The following SLC15A4 variants were observed in gnomAD, a reference collection of about 807,000 sequenced individuals.
SLC15A4 encodes hPHT1.
A neutral mutation model predicts 46.1 loss-of-function variants in SLC15A4; 26 were observed. That is an observed-to-expected ratio of 0.56 (90% confidence interval 0.41 to 0.78). The LOEUF (loss-of-function observed/expected upper bound fraction) is 0.78. SLC15A4 is among the 30% of genes least tolerant of loss of function. SLC15A4 has a pLI of 0.00. For synonymous variants in SLC15A4, 370 were observed against 333.4 expected (o/e 1.11, Z -1.20); for missense variants, 751 against 755.7 (o/e 0.99, Z 0.07).
Position 128,794,016 on chromosome 12 carries a change from T to A in SLC15A4, c.*180A>T, listed in dbSNP as rs1955415833. 1 of 516,348 alleles carries A rather than the reference T, an allele frequency of 1.9e-6. No individual in the cohort carries two copies. The highest frequency in any genetic ancestry group is 3.3e-6 in the Non-Finnish European group (1 of 305,476). 32.0% of individuals were successfully genotyped at this position (516,348 alleles called of 1,614,324 possible). A position where few individuals can be genotyped will look rare whatever the true frequency, so the allele number is the denominator to read the frequency against. ...GGGCCCAGCGTGCCAGGAGACACGC[T>A]GCAGTAAGGCACTTACCAAGCTCCT... On this transcript the variant is annotated 3_prime_UTR_variant, in exon 8 of 8. Coordinates refer to ENST00000266771, the MANE Select transcript of SLC15A4 (RefSeq NM_145648.4).
chr12:128,805,536 A>T (rs1201405881), intron 5 of SLC15A4, among the ~76,000 whole-genome samples: 3 of 151,956 alleles, frequency 2.0e-5, no homozygotes, highest in Non-Finnish European at 2.9e-5. Flanking sequence ...ATTATAGGAA[A>T]TTTTTTTTCT....
Position 128,814,940 on chromosome 12 carries a change from T to A in SLC15A4, c.677A>T (p.Tyr226Phe). ...GCCGACGCAGACAGTGGGGATCGCA[T>A]AACCAGTGACAAAGCTGACGTTCTG... ...IQQNVSFVTGYAIPTVCVGLA... is the reference protein window; with the variant it reads ...IQQNVSFVTGFAIPTVCVGLA... Residue 226 changes from tyrosine (Y) to phenylalanine (F), a missense_variant, in exon 2 of 8, where the codon TAT (tyrosine) becomes TTT (phenylalanine). Transcript: ENST00000266771. 2 of 1,614,202 alleles carry A rather than the reference T, an allele frequency of 1.2e-6. No homozygotes were observed. Among genetic ancestry groups the A allele is most frequent in the Non-Finnish European group, 1.7e-6 (2 of 1,180,040 alleles).
chr12:128,802,794 G>C (rs1381232762), intron 5 of SLC15A4, among the ~76,000 whole-genome samples: 1 of 152,170 alleles, frequency 6.6e-6, no homozygotes, highest in Non-Finnish European at 1.5e-5. Context: ...CAAATGATGA[G>C]ATCAAGAATT....
At chr12:128,817,519 A>C (rs541606347) in intron 1 of SLC15A4, among the ~76,000 whole-genome samples, 1 of 152,260 alleles carries the variant, frequency 6.6e-6, no homozygotes, top group East Asian at 1.9e-4. Flanking sequence ...ACCCACAGTG[A>C]CACTGCACAC....
chr12:128,797,638 CTG>C (rs1955461904), intron 7 of SLC15A4, among the ~76,000 whole-genome samples: 1 of 152,218 alleles, frequency 6.6e-6, no homozygotes, highest in African/African-American at 2.4e-5. Flanking sequence ...AAGCTATTTC[CTG>C]TGTCGGTCAC....
chr12:128,801,829 T>C (rs887712148), intron 5 of SLC15A4: 1 of 152,226 alleles, frequency 6.6e-6, no homozygotes, highest in African/African-American at 2.4e-5. Context: ...ATGTAAAATA[T>C]GTTTATTTTA....
At chr12:128,805,132 C>A (rs916427848) in intron 5 of SLC15A4, among the ~76,000 whole-genome samples, 3 of 152,118 alleles carry the variant, frequency 2.0e-5, no homozygotes, top group Non-Finnish European at 4.4e-5. Context: ...GGGGGAGATG[C>A]AATTATCCTT....
chr12:128,796,429 C>CA (rs57014966), intron 7 of SLC15A4, among the ~76,000 whole-genome samples: 383 of 33,924 alleles, frequency 0.011, 31 homozygotes, highest in African/African-American at 0.036. Flanking sequence ...AACTCCATCT[C>CA]AAAAAAAAAA....
chr12:128,805,538 T>A (rs1012921686), intron 5 of SLC15A4, among the ~76,000 whole-genome samples: 2 of 152,070 alleles, frequency 1.3e-5, no homozygotes, highest in Non-Finnish European at 2.9e-5. Flanking sequence ...TATAGGAAAT[T>A]TTTTTTCTTT....
chr12:128,796,862 G>A (rs1304287058), intron 7 of SLC15A4, among the ~76,000 whole-genome samples: 2 of 152,214 alleles, frequency 1.3e-5, no homozygotes, highest in East Asian at 1.9e-4. Flanking sequence ...GGCAGGCCAC[G>A]TGAACTGAAG....
intron 7 of SLC15A4, among the ~76,000 whole-genome samples, chr12:128,797,145 C>T (rs36003513): frequency 0.028 from 4,213 of 152,142 alleles, 81 homozygotes; most frequent in Middle Eastern, 0.071. Context: ...TGAGCGCACC[C>T]GCCCCCCAGG....
At chr12:128,810,789 C>A (rs1028956868) in intron 2 of SLC15A4, among the ~76,000 whole-genome samples, 2 of 152,156 alleles carry the variant, frequency 1.3e-5, no homozygotes, top group African/African-American at 4.8e-5. Flanking sequence ...GTCCCATGTG[C>A]TCCCTCATTA....
chr12:128,810,946 C>A (rs1262745076), intron 2 of SLC15A4, among the ~76,000 whole-genome samples: 1 of 152,224 alleles, frequency 6.6e-6, no homozygotes, highest in Non-Finnish European at 1.5e-5. Flanking sequence ...CCCTGCAGGA[C>A]ACCACTGTCC....
Position 128,823,543 on chromosome 12 carries a change from C to G in SLC15A4, c.401G>C (p.Gly134Ala). The G allele has an allele frequency of 6.9e-7, 1 of 1,453,188 alleles. No individual in the cohort carries two copies. Among genetic ancestry groups the G allele is most frequent in the Non-Finnish European group, 9.0e-7 (1 of 1,110,988 alleles). The allele number at this position is 1,453,188 out of a possible 1,614,324, so 90.0% of individuals were successfully genotyped here. ...CGTGCAGTTGAGCAGGCGCGCGGAA[C>G]CGCAGAGCGCGGCTCGCGTGGCGGG... Reference protein sequence around the residue: ...AAPATRAALCGSARLLNCTAP... With the variant: ...AAPATRAALCASARLLNCTAP... The change falls in exon 1 of 8, where the codon GGT becomes GCT. Residue 134 changes from glycine to alanine, a missense_variant. Coordinates refer to ENST00000266771, the MANE Select transcript of SLC15A4 (RefSeq NM_145648.4).
Position 128,809,729 on chromosome 12 carries a change from C to T in SLC15A4, c.1011+214G>A, listed in dbSNP as rs185689722. 166 of 544,476 alleles carry T rather than the reference C, an allele frequency of 3.0e-4. 1 individual carries two copies. The highest frequency in any genetic ancestry group is 2.9e-3 in the African/African-American group (152 of 52,008). The allele number at this position is 544,476 out of a possible 1,614,324, so 33.7% of individuals were successfully genotyped here. On this transcript the variant is annotated intron_variant, in intron 3 of 7. Transcript: ENST00000266771. ...CAAGAGGGGCCTGAAAAACCAGAAG[C>T]GTACCTGTTCTCAGCTTCTTTTTCA...
intron 1 of SLC15A4, among the ~76,000 whole-genome samples, chr12:128,821,575 C>G (rs772578218): frequency 6.6e-6 from 1 of 152,250 alleles, no homozygotes. Flanking sequence ...ACAAATGATC[C>G]CGTTTCCGAC....
In SLC15A4 at chr12:128,794,224, T is replaced by C. The variant is rs369063412; in HGVS notation, c.1706A>G (p.Asn569Ser). Residue 569 changes from asparagine (N) to serine (S), a missense_variant, in exon 8 of 8, where the codon AAT (asparagine) becomes AGT (serine). Transcript: ENST00000266771. ...HHRDHQRSRA[N>S]GVPTSRRA The stretch of plus-strand genomic sequence containing the variant: ...GGCCCTCCTGCTGGTGGGCACGCCA[T>C]TGGCTCTTGATCGCTGATGGTCTCG... 1.4e-5 allele frequency: 22 copies of C among 1,613,488 alleles called. No individual in the cohort carries two copies. The highest frequency in any genetic ancestry group is 3.3e-4 in the Middle Eastern group (2 of 6,082).
At chr12:128,801,229 G>A (rs113587301) in intron 5 of SLC15A4, 2 of 420,686 alleles carry the variant, frequency 4.8e-6, no homozygotes, top group African/African-American at 4.0e-5. Flanking sequence ...TTTCACTTCG[G>A]CTTTTTACAG....
chr12:128,814,713 A>T (rs1955721509), intron 2 of SLC15A4, 62 bp downstream of exon 2: 2 of 1,541,000 alleles, frequency 1.3e-6, no homozygotes, highest in South Asian at 1.2e-5. Flanking sequence ...CGAAGCTAGG[A>T]TGTTAATAAA....
Sources: allele counts gnomAD v4.1 joint callset (sites outside exome capture counted in the v4.1 genomes callset), GRCh38; gene constraint gnomAD v4.1.1; transcripts MANE v1.5; gene names NCBI Gene and HGNC (gene_info 2026-07-23, HGNC 2026-07-21).